The following ARHGAP31 variants were observed in gnomAD, a reference collection of about 807,000 sequenced individuals.
ARHGAP31 encodes the protein Rho GTPase activating protein 31.
A neutral mutation model predicts 113.9 loss-of-function variants in ARHGAP31; 34 were observed. The ratio of observed to expected loss-of-function variants is 0.30; its 90% CI spans 0.23 to 0.40. The LOEUF (loss-of-function observed/expected upper bound fraction) is 0.40. ARHGAP31 is among the 10% of genes least tolerant of loss of function. The probability of loss-of-function intolerance (pLI) is 1.00; values close to 1 mark genes in which losing one functional copy is unlikely to be tolerated. For synonymous variants in ARHGAP31, 650 were observed against 684.8 expected, an observed-to-expected ratio of 0.95 and a Z score of 0.79; for missense variants, 1,548 against 1,767.1, an observed-to-expected ratio of 0.88 and a Z score of 2.22.
At chr3:119,392,474 T>C (rs2080513118) in intron 7 of ARHGAP31, among the ~76,000 whole-genome samples, 1 of 152,082 alleles carries the variant, frequency 6.6e-6, no homozygotes, top group African/African-American at 2.4e-5. Flanking sequence ...ACAACAAACA[T>C]GGTGGGCTTG....
rs762141694 is a variant in ARHGAP31 at position 119,399,150 on chromosome 3, C to T, written c.1007-49C>T. On this transcript the variant is annotated intron_variant, in intron 8 of 11. Coordinates refer to ENST00000264245, the MANE Select transcript of ARHGAP31 (RefSeq NM_020754.4). ...ACAGCCTGACCTATTTTTCTGAATG[C>T]TTTCTGTTAATATGCATTCATCAAG... is the stretch of plus-strand genomic sequence containing the variant. 3 of 1,548,572 alleles carry T rather than the reference C, an allele frequency of 1.9e-6. No homozygotes were observed. The South Asian group carries it at 3.4e-5, about 17-fold the overall frequency.
intron 1 of ARHGAP31, among the ~76,000 whole-genome samples, chr3:119,333,703 T>G (rs986682784): frequency 2.6e-5 from 4 of 152,114 alleles, no homozygotes; most frequent in Non-Finnish European, 5.9e-5. Context: ...AAATTCAGAG[T>G]CAGGAAGAGG....
chr3:119,357,309 G>A (rs1478019235), intron 1 of ARHGAP31, among the ~76,000 whole-genome samples: 1 of 152,168 alleles, frequency 6.6e-6, no homozygotes. Context: ...GAGGCAATGG[G>A]CTCAGACGAG....
At chr3:119,319,053 C>A (rs2079759468) in intron 1 of ARHGAP31, among the ~76,000 whole-genome samples, 1 of 152,052 alleles carries the variant, frequency 6.6e-6, no homozygotes, top group Non-Finnish European at 1.5e-5. Context: ...CTGCTGCCTT[C>A]TTTTGGGTAA....
chr3:119,396,412 C>T (rs1019612036), intron 8 of ARHGAP31, among the ~76,000 whole-genome samples: 17 of 152,312 alleles, frequency 1.1e-4, no homozygotes, highest in African/African-American at 4.1e-4. Context: ...CTGGATGCAG[C>T]GGTGAAATTC....
intron 1 of ARHGAP31, among the ~76,000 whole-genome samples, chr3:119,335,575 G>C (rs1322087571): frequency 2.6e-5 from 4 of 152,142 alleles, no homozygotes; most frequent in Non-Finnish European, 2.9e-5. Context: ...TGGTATTGGG[G>C]AGGAGAACAC....
At chr3:119,329,851 AG>A in intron 1 of ARHGAP31, 1 of 985,462 alleles carries the variant, frequency 1.0e-6, no homozygotes, top group Non-Finnish European at 1.2e-6. Context: ...TCCCCACCAA[AG>A]TGTTATCCAA....
intron 1 of ARHGAP31, among the ~76,000 whole-genome samples, chr3:119,360,533 T>C (rs1035330710): frequency 1.3e-5 from 2 of 152,180 alleles, no homozygotes; most frequent in Admixed American, 1.3e-4. Flanking sequence ...TGTTATGACT[T>C]CTGGGGGTGA....
At chr3:119,332,175 T>C (rs995926793) in intron 1 of ARHGAP31, among the ~76,000 whole-genome samples, 2 of 152,028 alleles carry the variant, frequency 1.3e-5, no homozygotes, top group African/African-American at 4.8e-5. Context: ...TCCTCTGGAT[T>C]CCCTTTATCT....
chr3:119,294,862 AG>A lies in ARHGAP31; in HGVS notation c.-39del. ...CCCATCTTACAGCGGTGCCAAGCAG[AG>A]GGGCGGCAGAGACGGAGGGGCAGCC... On this transcript the variant is annotated 5_prime_UTR_variant, in exon 1 of 12. Coordinates refer to ENST00000264245, the MANE Select transcript of ARHGAP31 (RefSeq NM_020754.4). The A allele has an allele frequency of 6.3e-7, 1 of 1,577,050 alleles. No homozygotes were observed. The highest frequency in any genetic ancestry group is 2.2e-5 in the East Asian group (1 of 44,656).
rs527586257 is a variant in ARHGAP31, at chr3:119,416,257, T to C, written c.4328T>C (p.Ile1443Thr). The change falls in exon 12 of 12, where the codon ATA becomes ACA. Residue 1443 changes from isoleucine (I) to threonine (T), a missense_variant. Physicochemically the swap from Ile to Thr is moderately conservative, Grantham distance 89. Coordinates refer to ENST00000264245, the MANE Select transcript of ARHGAP31 (RefSeq NM_020754.4). ...CTGGATGGAAGAAGTGGGAGGCAAA[T>C]AGAATGATTTCGGTTCACCTGCTGG... is the stretch of plus-strand genomic sequence containing the variant. ...VILDGRSGRQIE is the reference protein window; with the variant it reads ...VILDGRSGRQTE 33 of 1,613,812 alleles carry C rather than the reference T, an allele frequency of 2.0e-5. No individual in the cohort carries two copies. The highest frequency in any genetic ancestry group is 2.6e-5 in the Non-Finnish European group (31 of 1,180,024).
At chr3:119,365,194 A>G in intron 1 of ARHGAP31, 122 bp from the exon 2 acceptor site, 1 of 760,732 alleles carries the variant, frequency 1.3e-6, no homozygotes, top group Non-Finnish European at 2.2e-6. Flanking sequence ...TTCCACTTGT[A>G]AGTCATATGA....
At chr3:119,394,653 A>G (rs752538264) in intron 8 of ARHGAP31, among the ~76,000 whole-genome samples, 1 of 151,972 alleles carries the variant, frequency 6.6e-6, no homozygotes, top group Non-Finnish European at 1.5e-5. Context: ...AAAAAAACCA[A>G]AAAAACAAAA....
In ARHGAP31 at chr3:119,308,412, A is replaced by G. The variant is rs532574085; in HGVS notation, c.100+13408A>G. On this transcript the variant is annotated intron_variant, in intron 1 of 11. Coordinates refer to ENST00000264245, the MANE Select transcript of ARHGAP31 (RefSeq NM_020754.4). ...GTATTTCTGGAGGCTCTGGGGAAGA[A>G]TCCATTTCCTTGCCTTTTCCAGCTT... 5.9e-5 allele frequency among the ~76,000 whole-genome samples: 9 copies of G among 152,350 alleles called. No individual in the cohort carries two copies. In the South Asian group the frequency reaches 1.9e-3, roughly 32 times the overall value.
intron 1 of ARHGAP31, among the ~76,000 whole-genome samples, chr3:119,320,820 C>G (rs1464808363): frequency 6.6e-6 from 1 of 152,128 alleles, no homozygotes; most frequent in East Asian, 1.9e-4. Context: ...CCACCCAAAT[C>G]TCATCTTGAA....
chr3:119,376,205 A>C (rs2080346617), intron 3 of ARHGAP31, among the ~76,000 whole-genome samples: 1 of 152,130 alleles, frequency 6.6e-6, no homozygotes, highest in Non-Finnish European at 1.5e-5. Context: ...AATGTCCCTT[A>C]GGGCCAGGCT....
Position 119,415,462 on chromosome 3 carries a change from C to T in ARHGAP31, c.3533C>T (p.Ser1178Leu). 1 of 1,614,108 alleles carries T rather than the reference C, an allele frequency of 6.2e-7. No individual in the cohort carries two copies. Among genetic ancestry groups the T allele is most frequent in the Non-Finnish European group, 8.5e-7 (1 of 1,180,042 alleles). Reference sequence around the variant, plus strand: ...CATGCACTGACAGGCCGCCGTAACTCAGCTCCTGTGAGTGTGTCAGCTGTG... The same window carrying T: ...CATGCACTGACAGGCCGCCGTAACTTAGCTCCTGTGAGTGTGTCAGCTGTG... ...VAHALTGRRNSAPVSVSAVRT... is the reference protein window; with the variant it reads ...VAHALTGRRNLAPVSVSAVRT... Residue 1178 changes from serine to leucine, a missense_variant, in exon 12 of 12, where the codon TCA (serine) becomes TTA (leucine). Ser to Leu is a moderately radical substitution (Grantham distance 145, BLOSUM62 -2). Transcript: ENST00000264245.
intron 6 of ARHGAP31, 104 bp from the exon 7 acceptor site, chr3:119,390,680 AG>A: frequency 2.4e-6 from 3 of 1,267,306 alleles, no homozygotes; most frequent in Non-Finnish European, 3.3e-6. Context: ...GGTGGCACTC[AG>A]CCCCCATCAT....
intron 1 of ARHGAP31, among the ~76,000 whole-genome samples, chr3:119,347,935 G>T (rs368348240): frequency 6.6e-6 from 1 of 152,232 alleles, no homozygotes; most frequent in African/African-American, 2.4e-5. Flanking sequence ...AAGAGTGTCT[G>T]TATGATAAAC....
Sources: allele counts gnomAD v4.1 joint callset (sites outside exome capture counted in the v4.1 genomes callset), GRCh38; gene constraint gnomAD v4.1.1; transcripts MANE v1.5; gene names NCBI Gene and HGNC (gene_info 2026-07-23, HGNC 2026-07-21).